EYS: variants seen among roughly 807,000 people sequenced by gnomAD.
The protein encoded by EYS is EGF-like photoreceptor maintenance factor, also known as protein eyes shut homolog.
A neutral mutation model predicts 282.1 loss-of-function variants in EYS; 250 were observed. The ratio of observed to expected loss-of-function variants is 0.89; its 90% confidence interval spans 0.80 to 0.98. EYS has a LOEUF of 0.98. Among genes scored for constraint, EYS ranks in the 50% least tolerant of loss-of-function variants. EYS has a pLI of 0.00. For missense variants in EYS, 4,016 were observed against 3,709.0 expected, an observed-to-expected ratio of 1.08 and a Z score of -2.15; for synonymous variants, 1,355 against 1,282.9, an observed-to-expected ratio of 1.06 and a Z score of -1.20.
At chr6:64,103,798 A>G (rs188023798) in intron 31 of EYS, among the ~76,000 whole-genome samples, 8 of 152,264 alleles carry the variant, frequency 5.3e-5, no homozygotes, top group Admixed American at 2.0e-4. Flanking sequence ...AGCTTTAACA[A>G]TAGTACAGGT....
chr6:63,868,399 T>A (rs556027036), intron 35 of EYS, among the ~76,000 whole-genome samples: 73 of 152,246 alleles, frequency 4.8e-4, no homozygotes, highest in African/African-American at 1.7e-3. Flanking sequence ...CACAGCTAGA[T>A]GCCAAAAATC....
At chr6:64,692,977 C>CTTGTTTTTTTTTTT (rs1770440869) in intron 22 of EYS, among the ~76,000 whole-genome samples, 2 of 11,494 alleles carry the variant, frequency 1.7e-4, no homozygotes, top group Non-Finnish European at 3.2e-4. Flanking sequence ...GCTGCTTGGG[C>CTTGTTTTTTTTTTT]TTTTTTTTTT....
At chr6:65,066,471 C>A (rs1773749608) in intron 12 of EYS, among the ~76,000 whole-genome samples, 1 of 152,088 alleles carries the variant, frequency 6.6e-6, no homozygotes, top group Non-Finnish European at 1.5e-5. Context: ...TAAATGAATA[C>A]TTTTTTGTAT....
chr6:65,569,797 C>G (rs1270031184), intron 2 of EYS, among the ~76,000 whole-genome samples: 1 of 152,146 alleles, frequency 6.6e-6, no homozygotes, highest in African/African-American at 2.4e-5. Flanking sequence ...CCAAATTATC[C>G]TCAAAAAGAT....
chr6:64,442,680 G>A (rs1774989084), intron 26 of EYS, among the ~76,000 whole-genome samples: 2 of 152,174 alleles, frequency 1.3e-5, no homozygotes, highest in Admixed American at 1.3e-4. Flanking sequence ...ACTAAAAGGG[G>A]CCAAGGTACA....
chr6:65,667,681 C>T (rs1582582600), intron 1 of EYS, among the ~76,000 whole-genome samples: 1 of 151,848 alleles, frequency 6.6e-6, no homozygotes, highest in Non-Finnish European at 1.5e-5. Flanking sequence ...CATTCATCTA[C>T]CTCTTGATTG....
intron 29 of EYS, among the ~76,000 whole-genome samples, chr6:64,345,909 C>A (rs562813507): frequency 1.8e-4 from 28 of 152,244 alleles, no homozygotes; most frequent in South Asian, 4.1e-4. Flanking sequence ...ACAGACACTT[C>A]TCAAAAGAAG....
At chr6:63,960,735 T>A (rs1349782448) in intron 35 of EYS, among the ~76,000 whole-genome samples, 1 of 152,246 alleles carries the variant, frequency 6.6e-6, no homozygotes, top group African/African-American at 2.4e-5. Context: ...GCTTAAATGG[T>A]CATTAGCATT....
intron 22 of EYS, among the ~76,000 whole-genome samples, chr6:64,802,028 T>TTTC (rs1562199443): frequency 8.7e-6 from 1 of 115,572 alleles, no homozygotes; most frequent in African/African-American, 3.5e-5. Flanking sequence ...TTTTTCTTTT[T>TTTC]TTTTCTTTTT....
chr6:65,538,566 TC>T (rs1489372297), intron 2 of EYS, among the ~76,000 whole-genome samples: 1 of 151,980 alleles, frequency 6.6e-6, no homozygotes, highest in Non-Finnish European at 1.5e-5. Context: ...ATATTGAGTA[TC>T]TCCCAAAAAA....
intron 12 of EYS, among the ~76,000 whole-genome samples, chr6:65,111,611 G>A (rs749661542): frequency 1.3e-5 from 2 of 152,078 alleles, no homozygotes; most frequent in Admixed American, 6.5e-5. Context: ...CTATTGGGAC[G>A]CCAAGGCAGG....
At chr6:64,343,315 C>A (rs1771213885) in intron 29 of EYS, among the ~76,000 whole-genome samples, 1 of 151,876 alleles carries the variant, frequency 6.6e-6, no homozygotes, top group South Asian at 2.1e-4. Context: ...AAGTAAAGCT[C>A]TCCTCAGCAA....
At chr6:64,184,239 AC>A (rs1413405668) in intron 31 of EYS, among the ~76,000 whole-genome samples, 1 of 152,118 alleles carries the variant, frequency 6.6e-6, no homozygotes, top group African/African-American at 2.4e-5. Flanking sequence ...TGTGTTTCTC[AC>A]CAGTATATAC....
At chr6:65,639,517 C>A (rs1661355677) in intron 2 of EYS, among the ~76,000 whole-genome samples, 1 of 151,900 alleles carries the variant, frequency 6.6e-6, no homozygotes, top group Non-Finnish European at 1.5e-5. Flanking sequence ...AAAGTAACAC[C>A]AACAATGTGA....
intron 33 of EYS, among the ~76,000 whole-genome samples, chr6:64,053,864 G>T (rs931198193): frequency 6.6e-6 from 1 of 151,944 alleles, no homozygotes; most frequent in Non-Finnish European, 1.5e-5. Flanking sequence ...CTAATTTCTT[G>T]TATGAGCATT....
At chr6:64,625,693 A>G (rs1468312077) in intron 23 of EYS, among the ~76,000 whole-genome samples, 1 of 152,232 alleles carries the variant, frequency 6.6e-6, no homozygotes, top group East Asian at 1.9e-4. Flanking sequence ...CAATAGCAGC[A>G]ATTATTCCTT....
Position 65,306,485 on chromosome 6 carries a change from G to A in EYS, c.1767-10366C>T, listed in dbSNP as rs535503279. Among the ~76,000 whole-genome samples, 8 of 152,036 alleles carry A rather than the reference G, an allele frequency of 5.3e-5. No individual in the cohort carries two copies. The South Asian group carries it at 1.0e-3, about 20-fold the overall frequency. On this transcript the variant is annotated intron_variant, in intron 11 of 42. Coordinates refer to ENST00000503581, the MANE Select transcript of EYS (RefSeq NM_001142800.2). ...TCACCACGGATTTTCTACTTATTTC[G>A]CTTTTGGAATCAGCTTACAGATTCC...
intron 2 of EYS, among the ~76,000 whole-genome samples, chr6:65,603,055 T>A (rs191497919): frequency 3.3e-4 from 50 of 152,080 alleles, no homozygotes; most frequent in African/African-American, 1.2e-3. Context: ...ATACACTTGA[T>A]ACAAATACTC....
At chr6:63,776,008 A>G (rs1770055438) in intron 40 of EYS, among the ~76,000 whole-genome samples, 1 of 152,150 alleles carries the variant, frequency 6.6e-6, no homozygotes, top group Non-Finnish European at 1.5e-5. Flanking sequence ...ACTGGTCACA[A>G]TTTTGATAAG....
Sources: gnomAD v4.1 joint callset for allele counts (sites outside exome capture counted in the v4.1 genomes callset) on GRCh38, gnomAD v4.1.1 for gene constraint, MANE v1.5 for transcripts, NCBI Gene and HGNC (gene_info 2026-07-23, HGNC 2026-07-21) for gene names.